Variants in MYO1D observed in about 807,000 individuals in gnomAD.
MYO1D encodes the protein myosin ID.
In MYO1D, 83 loss-of-function variants were observed where a neutral mutation model predicts 122.0. The observed-to-expected ratio is 0.68, with a 90% CI of 0.57 to 0.82. MYO1D has a LOEUF of 0.82. Among genes scored for constraint, MYO1D ranks in the 40% least tolerant of loss-of-function variants. The pLI is 0.00. For synonymous variants in MYO1D, 464 were observed against 446.9 expected, an observed-to-expected ratio of 1.04 and a Z score of -0.48; for missense variants, 1,157 against 1,269.5, an observed-to-expected ratio of 0.91 and a Z score of 1.35.
At chr17:32,604,121 G>T (rs765309536) in intron 21 of MYO1D, among the ~76,000 whole-genome samples, 19 of 151,044 alleles carry the variant, frequency 1.3e-4, no homozygotes, top group East Asian at 5.8e-4. Context: ...GAATACAATA[G>T]AATTAGATAT....
chr17:32,605,570 AC>A (rs564046038), intron 20 of MYO1D, among the ~76,000 whole-genome samples: 118 of 152,224 alleles, frequency 7.8e-4, no homozygotes, highest in Non-Finnish European at 1.5e-3. Context: ...AAATAGAAAA[AC>A]AATACAGAAA....
At chr17:32,749,497 G>T (rs1053701444) in intron 11 of MYO1D, among the ~76,000 whole-genome samples, 1 of 152,206 alleles carries the variant, frequency 6.6e-6, no homozygotes. Context: ...TTGGGAGGCT[G>T]AGGCAGGCAG....
At chr17:32,642,767 C>CT (rs1229083637) in intron 19 of MYO1D, among the ~76,000 whole-genome samples, 1 of 152,138 alleles carries the variant, frequency 6.6e-6, no homozygotes, top group Non-Finnish European at 1.5e-5. Context: ...TTTTTGAAGA[C>CT]TGATTTTGCA....
intron 21 of MYO1D, among the ~76,000 whole-genome samples, chr17:32,591,791 T>C (rs985850775): frequency 6.6e-6 from 1 of 152,062 alleles, no homozygotes; most frequent in Non-Finnish European, 1.5e-5. Context: ...AGCTTGAGCA[T>C]AGGGATCACC....
chr17:32,707,458 A>T (rs1264044029), intron 16 of MYO1D, among the ~76,000 whole-genome samples: 1 of 152,232 alleles, frequency 6.6e-6, no homozygotes, highest in Non-Finnish European at 1.5e-5. Flanking sequence ...ATACTCTTCA[A>T]CTTAACAATC....
chr17:32,571,624 C>T (rs1224826271), intron 21 of MYO1D, among the ~76,000 whole-genome samples: 1 of 152,074 alleles, frequency 6.6e-6, no homozygotes, highest in Non-Finnish European at 1.5e-5. Flanking sequence ...CACTTGGTAG[C>T]ATATCCACTG....
At chr17:32,724,952 C>T (rs2089554992) in intron 14 of MYO1D, among the ~76,000 whole-genome samples, 1 of 151,972 alleles carries the variant, frequency 6.6e-6, no homozygotes, top group Admixed American at 6.6e-5. Context: ...AAAAAGTAAC[C>T]AGACATGTAA....
At chr17:32,658,911 GA>G in intron 17 of MYO1D, 1 of 586,406 alleles carries the variant, frequency 1.7e-6, no homozygotes, top group Non-Finnish European at 3.0e-6. Context: ...GCTGCTACAG[GA>G]AAAACAAATT....
At chr17:32,683,268 C>T (rs906342924) in intron 16 of MYO1D, among the ~76,000 whole-genome samples, 15 of 152,092 alleles carry the variant, frequency 9.9e-5, no homozygotes, top group Non-Finnish European at 2.2e-4. Flanking sequence ...CATTCTCCAT[C>T]CAGCTTTGTT....
intron 4 of MYO1D, among the ~76,000 whole-genome samples, chr17:32,773,910 T>C (rs1470327698): frequency 6.6e-6 from 1 of 152,036 alleles, no homozygotes; most frequent in African/African-American, 2.4e-5. Context: ...TTGTCCCATA[T>C]CTTTCTTCTT....
chr17:32,852,531 A>G (rs531893872), intron 1 of MYO1D, among the ~76,000 whole-genome samples: 1 of 152,330 alleles, frequency 6.6e-6, no homozygotes, highest in South Asian at 2.1e-4. Flanking sequence ...TCTCATACAG[A>G]CATATTAAAT....
Position 32,730,874 on chromosome 17 carries a change from T to G in MYO1D, c.1746+7379A>C, listed in dbSNP as rs1260785771. Reference sequence around the variant, plus strand: ...TTCTATAACTCTGATAAGATACATGTTTGACCACTTTATTTTCTCTTCCAC... The same window carrying G: ...TTCTATAACTCTGATAAGATACATGGTTGACCACTTTATTTTCTCTTCCAC... On this transcript the variant is annotated intron_variant, in intron 14 of 21. Transcript: ENST00000318217. Among the ~76,000 whole-genome samples, 21 of 152,124 alleles carry G rather than the reference T, an allele frequency of 1.4e-4. No homozygotes were observed. In the East Asian group the frequency reaches 4.1e-3, roughly 29 times the overall value.
chr17:32,799,276 G>A (rs1374788051), intron 1 of MYO1D, among the ~76,000 whole-genome samples: 7 of 152,104 alleles, frequency 4.6e-5, no homozygotes, highest in African/African-American at 1.4e-4. Context: ...ATTAAATCTC[G>A]TTTATTGCTA....
chr17:32,829,524 G>C (rs1383847272), intron 1 of MYO1D, among the ~76,000 whole-genome samples: 1 of 152,214 alleles, frequency 6.6e-6, no homozygotes, highest in Non-Finnish European at 1.5e-5. Context: ...CGCAATCTCA[G>C]CTCGCTGCAA....
intron 1 of MYO1D, among the ~76,000 whole-genome samples, chr17:32,822,521 GC>G (rs2090678332): frequency 6.6e-6 from 1 of 150,920 alleles, no homozygotes; most frequent in Non-Finnish European, 1.5e-5. Flanking sequence ...TTCGGTTCCC[GC>G]CTCCTCCCCG....
At chr17:32,849,126 C>T (rs1220745119) in intron 1 of MYO1D, among the ~76,000 whole-genome samples, 1 of 151,914 alleles carries the variant, frequency 6.6e-6, no homozygotes, top group African/African-American at 2.4e-5. Context: ...TATCATCTCA[C>T]ACCAGTTAGA....
chr17:32,824,535 A>G (rs2090704677), intron 1 of MYO1D, among the ~76,000 whole-genome samples: 1 of 152,186 alleles, frequency 6.6e-6, no homozygotes, highest in East Asian at 1.9e-4. Flanking sequence ...TACTTTACAC[A>G]TAGTATCTCA....
chr17:32,796,364 A>G (rs1355711863), intron 1 of MYO1D, among the ~76,000 whole-genome samples: 1 of 152,256 alleles, frequency 6.6e-6, no homozygotes, highest in Admixed American at 6.5e-5. Flanking sequence ...ATGAATTGAT[A>G]ACAATTATGC....
chr17:32,506,325 G>A (rs1909502050), intron 21 of MYO1D, among the ~76,000 whole-genome samples: 1 of 152,178 alleles, frequency 6.6e-6, no homozygotes. Flanking sequence ...CTGGATAACA[G>A]CAGCATGAAA....
Sources: allele counts gnomAD v4.1 joint callset (sites outside exome capture counted in the v4.1 genomes callset), GRCh38; gene constraint gnomAD v4.1.1; transcripts MANE v1.5; gene names NCBI Gene and HGNC (gene_info 2026-07-23, HGNC 2026-07-21).